Variants in PGM5 observed in about 807,000 individuals in gnomAD.
PGM5 encodes phosphoglucomutase 5, also known as phosphoglucomutase-like protein 5.
In PGM5, 23 loss-of-function variants were observed where a neutral mutation model predicts 59.2. The ratio of observed to expected loss-of-function variants is 0.39; its 90% CI spans 0.28 to 0.55. The LOEUF (loss-of-function observed/expected upper bound fraction) is 0.55, where lower values mean the gene tolerates loss of function less well. Ranked by LOEUF, PGM5 falls within the 20% of genes least tolerant of loss-of-function variation. The pLI is 0.66. For synonymous variants in PGM5, 214 were observed against 286.0 expected (o/e 0.75, Z 2.54); for missense variants, 574 against 748.3 (o/e 0.77, Z 2.72).
chr9:68,492,032 G>A (rs894897769), intron 9 of PGM5, among the ~76,000 whole-genome samples: 10 of 152,170 alleles, frequency 6.6e-5, no homozygotes, highest in African/African-American at 1.7e-4. Flanking sequence ...TGTAGCAAGC[G>A]TGTAAGCATT....
intron 10 of PGM5, among the ~76,000 whole-genome samples, chr9:68,504,859 A>G (rs1824630906): frequency 1.3e-5 from 2 of 152,222 alleles, no homozygotes; most frequent in Non-Finnish European, 2.9e-5. Context: ...AATTATTGCA[A>G]TATTGACCAT....
intron 10 of PGM5, among the ~76,000 whole-genome samples, chr9:68,508,360 A>G (rs1554689150): frequency 6.6e-6 from 1 of 152,238 alleles, no homozygotes; most frequent in African/African-American, 2.4e-5. Flanking sequence ...ACCCTAAAAA[A>G]AATTATATTT....
chr9:68,379,974 A>T (rs1470235189), intron 2 of PGM5, among the ~76,000 whole-genome samples: 1 of 152,004 alleles, frequency 6.6e-6, no homozygotes, highest in Non-Finnish European at 1.5e-5. Context: ...AGTGGACATG[A>T]AGGAAGAAAT....
chr9:68,487,194 C>T (rs1317585237), intron 9 of PGM5, among the ~76,000 whole-genome samples: 1 of 152,092 alleles, frequency 6.6e-6, no homozygotes, highest in Non-Finnish European at 1.5e-5. Flanking sequence ...GGCCTTGTCA[C>T]TGCCTAGATT....
chr9:68,387,150 G>T (rs1554678916), intron 3 of PGM5, among the ~76,000 whole-genome samples: 1 of 151,998 alleles, frequency 6.6e-6, no homozygotes, highest in Non-Finnish European at 1.5e-5. Context: ...GGGAGGGAAA[G>T]TGGGAGCAGG....
rs1359933751 is a variant in PGM5, at chr9:68,530,682, G to C, written c.*1026G>C. 1 of 152,288 alleles carries C rather than the reference G, an allele frequency of 6.6e-6. No individual in the cohort carries two copies. The highest frequency in any genetic ancestry group is 1.5e-5 in the Non-Finnish European group (1 of 68,064). The allele number at this position is 152,288 out of a possible 1,614,324, so 9.4% of individuals were successfully genotyped here. ...GGAAGAAAATGTAATTGGTGGTACA[G>C]CTATGGGCCAGATGGTGGAGGGGAG... On this transcript the variant is annotated 3_prime_UTR_variant, in exon 11 of 11. Transcript: ENST00000396396.
intron 7 of PGM5, among the ~76,000 whole-genome samples, chr9:68,475,822 A>G (rs1824093629): frequency 6.6e-6 from 1 of 152,228 alleles, no homozygotes; most frequent in African/African-American, 2.4e-5. Context: ...TCAACAATTA[A>G]GCCTGGGCAA....
chr9:68,525,962 A>G (rs1246816173), intron 10 of PGM5, among the ~76,000 whole-genome samples: 1 of 152,128 alleles, frequency 6.6e-6, no homozygotes, highest in Non-Finnish European at 1.5e-5. Context: ...AGGCTGAGAC[A>G]GGAGAATGGC....
intron 9 of PGM5, among the ~76,000 whole-genome samples, chr9:68,496,132 G>A (rs180962082): frequency 2.0e-5 from 3 of 152,292 alleles, no homozygotes; most frequent in East Asian, 1.9e-4. Flanking sequence ...AAATAAATGC[G>A]ATTATTGGTA....
At position 68,439,677 on chromosome 9, in the gene PGM5, T is replaced by C. The variant is rs932620458; in HGVS notation, c.1044-25416T>C. Among the ~76,000 whole-genome samples the C allele has an allele frequency of 6.1e-4, 91 of 149,180 alleles. 1 individual carries two copies. Among genetic ancestry groups the C allele is most frequent in the African/African-American group, 2.1e-3 (84 of 40,572 alleles). ...ATACATATATACACATGTGTATATA[T>C]AATACACATGCACACATATATATAT... On this transcript the variant is annotated intron_variant, in intron 6 of 10. Transcript: ENST00000396396.
intron 6 of PGM5, among the ~76,000 whole-genome samples, chr9:68,430,506 C>A (rs1174701312): frequency 3.3e-5 from 5 of 152,180 alleles, no homozygotes; most frequent in African/African-American, 1.2e-4. Context: ...TTTTGTAAAT[C>A]CTTGTACTTT....
At chr9:68,416,742 G>A (rs146921278) in intron 6 of PGM5, among the ~76,000 whole-genome samples, 1 of 152,214 alleles carries the variant, frequency 6.6e-6, no homozygotes, top group Non-Finnish European at 1.5e-5. Flanking sequence ...AATTGCAGCA[G>A]AATATCTCAG....
intron 1 of PGM5, among the ~76,000 whole-genome samples, chr9:68,360,041 C>T (rs1834548171): frequency 6.6e-6 from 1 of 151,992 alleles, no homozygotes; most frequent in South Asian, 2.1e-4. Flanking sequence ...CATAGGGTTT[C>T]TCTGTGTTGC....
chr9:68,406,659 GGTATATATATATATATAT>G (rs1256342574), intron 6 of PGM5, among the ~76,000 whole-genome samples: 1,421 of 61,458 alleles, frequency 0.023, 148 homozygotes, highest in Admixed American at 0.025. Flanking sequence ...GATTAAATTA[GGTATATATATATATATAT>G]GTATATATAT....
In PGM5 at chr9:68,423,177, A is replaced by G. The variant is rs1383153771; in HGVS notation, c.1043+30704A>G. On this transcript the variant is annotated intron_variant, in intron 6 of 10. Transcript: ENST00000396396. ...TTTTCCTATTGTGAATTGTGCTGCT[A>G]TAAACATGCATGTGCAAGTATCTTT... 1.3e-4 allele frequency among the ~76,000 whole-genome samples: 20 copies of G among 151,740 alleles called. 1 individual carries two copies. Among genetic ancestry groups the G allele is most frequent in the Non-Finnish European group, 7.3e-5 (5 of 68,038 alleles).
At chr9:68,452,435 G>A (rs1554684411) in intron 6 of PGM5, among the ~76,000 whole-genome samples, 2 of 152,128 alleles carry the variant, frequency 1.3e-5, no homozygotes, top group Non-Finnish European at 2.9e-5. Flanking sequence ...CATCTCCCTG[G>A]GGAGTCTCTG....
At position 68,469,371 on chromosome 9, in the gene PGM5, T is replaced by A. The variant is rs553605490; in HGVS notation, c.1159+4163T>A. 1.1e-3 allele frequency among the ~76,000 whole-genome samples: 167 copies of A among 152,062 alleles called. No individual in the cohort carries two copies. The East Asian group carries it at 0.02, about 18-fold the overall frequency. ...ATAATAGTGTTTTTTAAAAAAAAAA[T>A]GAGCACTTAGTATGTACCTTTTGTA... is the stretch of plus-strand genomic sequence containing the variant. On this transcript the variant is annotated intron_variant, in intron 7 of 10. Coordinates refer to ENST00000396396, the MANE Select transcript of PGM5 (RefSeq NM_021965.4).
At chr9:68,377,778 G>T (rs1821959513) in intron 1 of PGM5, among the ~76,000 whole-genome samples, 1 of 152,258 alleles carries the variant, frequency 6.6e-6, no homozygotes, top group Non-Finnish European at 1.5e-5. Context: ...CTCTGAGCTT[G>T]TTCTAAGTTA....
chr9:68,402,158 GGAGGCT>G (rs1822689221), intron 6 of PGM5, among the ~76,000 whole-genome samples: 1 of 152,128 alleles, frequency 6.6e-6, no homozygotes, highest in Non-Finnish European at 1.5e-5. Flanking sequence ...CAGCTACTTG[GGAGGCT>G]GAGGCATGAG....
Sources: gnomAD v4.1 joint callset for allele counts (sites outside exome capture counted in the v4.1 genomes callset) on GRCh38, gnomAD v4.1.1 for gene constraint, MANE v1.5 for transcripts, NCBI Gene and HGNC (gene_info 2026-07-23, HGNC 2026-07-21) for gene names.